Variants in SLC38A7 observed in about 807,000 individuals in gnomAD.
The protein encoded by SLC38A7 is solute carrier family 38 member 7, also known as sodium-coupled neutral amino acid transporter 7.
Under a neutral mutation model 50.1 loss-of-function variants are expected in SLC38A7, and 29 were observed. The ratio of observed to expected loss-of-function variants is 0.58; its 90% confidence interval spans 0.43 to 0.79. The LOEUF (loss-of-function observed/expected upper bound fraction) is 0.79. Ranked by LOEUF, SLC38A7 falls within the 30% of genes least tolerant of loss-of-function variation. The probability of loss-of-function intolerance (pLI) is 0.00; values close to 1 mark genes in which losing one functional copy is unlikely to be tolerated. For missense variants in SLC38A7, 483 were observed against 610.6 expected (o/e 0.79, Z 2.20); for synonymous variants, 244 against 245.9 (o/e 0.99, Z 0.07).
At chr16:58,670,917 G>C in intron 10 of SLC38A7, 128 bp downstream of exon 10, 2 of 985,962 alleles carry the variant, frequency 2.0e-6, no homozygotes, top group Non-Finnish European at 1.6e-6. Flanking sequence ...ACAGAGGCGA[G>C]ACAGGTGATC....
In SLC38A7 at chr16:58,672,128, G is replaced by A; in HGVS notation, c.999C>T (p.Leu333=). The part of the protein sequence containing the change: ...VARAFIILSV[L]TSYPILHFCG... ...AGAAGTGCAGGATAGGGTAGGAGGT[G>A]AGCACGCTCAGGATGATGAAGGCTC... Residue 333 remains leucine (L), a synonymous_variant, in exon 9 of 12, where the codon CTC becomes CTT. Coordinates refer to ENST00000219320, the MANE Select transcript of SLC38A7 (RefSeq NM_018231.3). 1 of 1,560,294 alleles carries A rather than the reference G, an allele frequency of 6.4e-7. No individual in the cohort carries two copies. The highest frequency in any genetic ancestry group is 2.4e-5 in the East Asian group (1 of 41,532).
chr16:58,670,975 G>A (rs1173340277), intron 10 of SLC38A7, 70 bp downstream of exon 10: 44 of 1,512,278 alleles, frequency 2.9e-5, no homozygotes, highest in Non-Finnish European at 3.9e-5. Context: ...AGCAAGTAGG[G>A]AGCTGAGGCT....
Position 58,678,232 on chromosome 16 carries a change from A to G in SLC38A7, c.611+101T>C. On this transcript the variant is annotated intron_variant, in intron 5 of 11. Transcript: ENST00000219320. This position sits in a 1 kb window ranked among gnomAD's most constrained non-coding sequence, Gnocchi z 4.0. ...CCTGCCTTGCCTACTCTTGCTCCCC[A>G]AGGTGAGGTGGCATGGAGGAGCAGG... is the stretch of plus-strand genomic sequence containing the variant. The G allele has an allele frequency of 7.3e-7, 1 of 1,373,880 alleles. No homozygotes were observed. The highest frequency in any genetic ancestry group is 9.7e-7 in the Non-Finnish European group (1 of 1,035,218). 85.1% of individuals were successfully genotyped at this position (1,373,880 alleles called of 1,614,324 possible).
chr16:58,672,156 G>A lies in SLC38A7; in HGVS notation c.971C>T (p.Ala324Val). 1 of 1,565,238 alleles carries A rather than the reference G, an allele frequency of 6.4e-7. No homozygotes were observed. The highest frequency in any genetic ancestry group is 1.2e-5 in the South Asian group (1 of 84,810). ...CACGCTCAGGATGATGAAGGCTCGG[G>A]CAACGGCCACGGCCATGTCCTCCGA... ...YPSEDMAVAV[A>V]RAFIILSVLT... The change falls in exon 9 of 12, where the codon GCC (alanine) becomes GTC (valine). Residue 324 changes from alanine (A) to valine (V), a missense_variant. By Grantham distance (64) the Ala-to-Val change is moderately conservative. Coordinates refer to ENST00000219320, the MANE Select transcript of SLC38A7 (RefSeq NM_018231.3).
At chr16:58,675,346 GAAAAAAA>G in intron 8 of SLC38A7, 9 of 327,798 alleles carry the variant, frequency 2.7e-5, no homozygotes, top group Non-Finnish European at 4.6e-5. Context: ...GTCTCTGCTA[GAAAAAAA>G]AAAAAAAAAA....
rs922134276 is a variant in SLC38A7, at chr16:58,665,613, T to C, written c.*1772A>G. Reference sequence around the variant, plus strand: ...TCCCTCTCGTACCCTTTACAGAGGTTTTGGGGAAGAGGGGACAAGGAAATG... The same window carrying C: ...TCCCTCTCGTACCCTTTACAGAGGTCTTGGGGAAGAGGGGACAAGGAAATG... On this transcript the variant is annotated 3_prime_UTR_variant, in exon 12 of 12. Transcript: ENST00000219320. The C allele has an allele frequency of 1.3e-5, 2 of 152,198 alleles. No homozygotes were observed. Among genetic ancestry groups the C allele is most frequent in the Non-Finnish European group, 2.9e-5 (2 of 68,158 alleles). 9.4% of individuals were successfully genotyped at this position (152,198 alleles called of 1,614,324 possible).
At chr16:58,670,723 C>G (rs1227520072) in intron 10 of SLC38A7, among the ~76,000 whole-genome samples, 1 of 152,188 alleles carries the variant, frequency 6.6e-6, no homozygotes, top group Non-Finnish European at 1.5e-5. Flanking sequence ...GCAGCAGACA[C>G]CTGAATGAAT....
intron 8 of SLC38A7, 119 bp from the exon 9 acceptor site, chr16:58,672,362 G>A (rs976343083): frequency 1.2e-5 from 14 of 1,126,964 alleles, no homozygotes; most frequent in Non-Finnish European, 1.6e-5. Flanking sequence ...ACACTTAGAC[G>A]GAGGCTCAGA....
intron 11 of SLC38A7, among the ~76,000 whole-genome samples, chr16:58,668,585 G>A (rs191994828): frequency 2.8e-4 from 43 of 151,290 alleles, no homozygotes; most frequent in Non-Finnish European, 2.8e-4. Flanking sequence ...GGTGGTGGGC[G>A]CCTGTAATCC....
chr16:58,671,259 A>G lies in SLC38A7; in HGVS notation c.1032-15T>C. On this transcript the variant is annotated splice_polypyrimidine_tract_variant and intron_variant, in intron 9 of 11. Transcript: ENST00000219320. The stretch of plus-strand genomic sequence containing the variant: ...CCACCACCGCCCTGCCCACATGGAG[A>G]AGGGCTTAGAGGTGCCCCTGCTGCT... The G allele has an allele frequency of 6.2e-7, 1 of 1,612,324 alleles. No homozygotes were observed. Among genetic ancestry groups the G allele is most frequent in the African/African-American group, 1.3e-5 (1 of 74,982 alleles).
At position 58,671,069 on chromosome 16, in the gene SLC38A7, C is replaced by T. The variant is rs370282423; in HGVS notation, c.1207G>A (p.Ala403Thr). The T allele has an allele frequency of 3.7e-5, 60 of 1,607,790 alleles. No individual in the cohort carries two copies. The highest frequency in any genetic ancestry group is 3.6e-4 in the Admixed American group (21 of 59,102). The change falls in exon 10 of 12, where the codon GCC (alanine) becomes ACC (threonine). Residue 403 changes from alanine to threonine, a missense_variant. Physicochemically the swap from Ala to Thr is moderately conservative, Grantham distance 58. Coordinates refer to ENST00000219320, the MANE Select transcript of SLC38A7 (RefSeq NM_018231.3). ...KVISVIGGLA[A>T]CFIFVFPGLC... ...CCTGGGAAGACGAAGATGAAGCAGG[C>T]GGCCAGGCCTCCAATGACTGAGATC... is the stretch of plus-strand genomic sequence containing the variant.
Position 58,678,452 on chromosome 16 carries a change from C to A in SLC38A7, c.492G>T (p.Glu164Asp). ...ACCAAGGGCCGCTGGCCCCCTCCGG[C>A]TCTTTCGCCATCACAGCTATAACTG... ...QDKIIAVMAK[E>D]PEGASGPWYT... is the part of the protein sequence containing the mutation. The change falls in exon 5 of 12, where the codon GAG becomes GAT. Residue 164 changes from glutamate (E) to aspartate (D), a missense_variant. Glu to Asp is a conservative substitution (Grantham distance 45, BLOSUM62 2). Transcript: ENST00000219320. The surrounding 1 kb of genome is among the most constrained non-coding windows in gnomAD (Gnocchi z 4.0). The A allele has an allele frequency of 6.4e-7, 1 of 1,564,398 alleles. No individual in the cohort carries two copies. Among genetic ancestry groups the A allele is most frequent in the Non-Finnish European group, 8.7e-7 (1 of 1,155,708 alleles).
intron 11 of SLC38A7, among the ~76,000 whole-genome samples, chr16:58,668,758 G>C (rs577898356): frequency 6.7e-6 from 1 of 149,360 alleles, no homozygotes; most frequent in South Asian, 2.1e-4. Flanking sequence ...GAAATAAAGG[G>C]TGATTTTTTT....
rs565333822 is a variant in SLC38A7 at position 58,678,553 on chromosome 16, C to T, written c.470-79G>A. On this transcript the variant is annotated intron_variant, in intron 4 of 11. Transcript: ENST00000219320. The surrounding 1 kb of genome is among the most constrained non-coding windows in gnomAD (Gnocchi z 4.0). The stretch of plus-strand genomic sequence containing the variant: ...CTCCTGCTCTGCTGGGCCCCAGGAC[C>T]TCCCTCTGCCTGGAGGGAGGATTCC... 156 of 1,552,622 alleles carry T rather than the reference C, an allele frequency of 1.0e-4. No homozygotes were observed. The East Asian group carries it at 1.7e-3, about 17-fold the overall frequency.
intron 11 of SLC38A7, among the ~76,000 whole-genome samples, chr16:58,668,811 C>T (rs955260001): frequency 1.2e-4 from 18 of 149,156 alleles, no homozygotes; most frequent in African/African-American, 3.9e-4. Context: ...GTTTTGCTAT[C>T]ACCCAGGCTG....
In SLC38A7 at chr16:58,671,132, G is replaced by T. The variant is rs765542484; in HGVS notation, c.1144C>A (p.Leu382Met). The T allele has an allele frequency of 6.2e-7, 1 of 1,613,976 alleles. No individual in the cohort carries two copies. The highest frequency in any genetic ancestry group is 8.5e-7 in the Non-Finnish European group (1 of 1,179,936). ...LQTLVWFLLTLLLALFIPDIG... is the reference protein window; with the variant it reads ...LQTLVWFLLTMLLALFIPDIG... ...TCAGGGATGAAGAGCGCCAGCAGCA[G>T]GGTGAGCAGGAACCAGACCAGCGTC... is the stretch of plus-strand genomic sequence containing the variant. Residue 382 changes from leucine to methionine, a missense_variant, in exon 10 of 12, where the codon CTG becomes ATG. Transcript: ENST00000219320.
chr16:58,672,370 A>C, intron 8 of SLC38A7, 127 bp from the exon 9 acceptor site: 10 of 1,023,302 alleles, frequency 9.8e-6, no homozygotes, highest in Non-Finnish European at 1.4e-5. Context: ...ACGGAGGCTC[A>C]GAGTGGGAGA....
chr16:58,672,271 C>A (rs1480172499), intron 8 of SLC38A7, 28 bp from the exon 9 acceptor site: 2 of 1,565,638 alleles, frequency 1.3e-6, no homozygotes, highest in South Asian at 1.2e-5. Context: ...TGGGTCAGGG[C>A]AACCCTGGGA....
chr16:58,668,492 A>G (rs759680917), intron 11 of SLC38A7, among the ~76,000 whole-genome samples: 8 of 151,972 alleles, frequency 5.3e-5, no homozygotes, highest in Non-Finnish European at 7.4e-5. Context: ...AGCCGAGATC[A>G]TGCCACTGCA....
Sources: allele counts gnomAD v4.1 joint callset (sites outside exome capture counted in the v4.1 genomes callset), GRCh38; gene constraint gnomAD v4.1.1; non-coding constraint Gnocchi (gnomAD v3.1); transcripts MANE v1.5; gene names NCBI Gene and HGNC (gene_info 2026-07-23, HGNC 2026-07-21).